The following LDLRAD4 variants were observed in gnomAD, a reference collection of about 807,000 sequenced individuals.
LDLRAD4 encodes low density lipoprotein receptor class A domain containing 4.
LDLRAD4 carries 5 observed loss-of-function variants against 17.0 expected under a neutral mutation model. The observed-to-expected ratio is 0.29, with a 90% CI of 0.15 to 0.62. The LOEUF (loss-of-function observed/expected upper bound fraction) is 0.62. Among genes scored for constraint, LDLRAD4 ranks in the 20% least tolerant of loss-of-function variants. The probability of loss-of-function intolerance (pLI) is 0.84; values close to 1 mark genes in which losing one functional copy is unlikely to be tolerated. For synonymous variants in LDLRAD4, 168 were observed against 171.8 expected, an observed-to-expected ratio of 0.98 and a Z score of 0.17; for missense variants, 340 against 424.7, an observed-to-expected ratio of 0.80 and a Z score of 1.75.
At chr18:13,643,276 C>A in intron 4 of LDLRAD4, 83 bp from the exon 6 acceptor site, 2 of 889,488 alleles carry the variant, frequency 2.2e-6, no homozygotes, top group Admixed American at 2.7e-5. Context: ...AGAAGTTGTG[C>A]TTCATGTTTT....
At chr18:13,437,345 G>A (rs1316903364) in intron 2 of LDLRAD4, among the ~76,000 whole-genome samples, 1 of 152,228 alleles carries the variant, frequency 6.6e-6, no homozygotes, top group Non-Finnish European at 1.5e-5. Flanking sequence ...CTAGGGCCAA[G>A]CCCACACTCA....
intron 3 of LDLRAD4, among the ~76,000 whole-genome samples, chr18:13,594,211 G>T (rs900860730): frequency 2.0e-5 from 3 of 152,114 alleles, no homozygotes; most frequent in African/African-American, 7.2e-5. Context: ...CATGAGCTCA[G>T]GTGATGGCAG....
At chr18:13,413,678 T>A (rs1193924704) in intron 2 of LDLRAD4, among the ~76,000 whole-genome samples, 1 of 152,242 alleles carries the variant, frequency 6.6e-6, no homozygotes, top group East Asian at 1.9e-4. Context: ...ATTTACTGGA[T>A]GTCCAGTGTT....
intron 3 of LDLRAD4, among the ~76,000 whole-genome samples, chr18:13,606,820 A>G (rs959212652): frequency 1.3e-5 from 2 of 152,244 alleles, no homozygotes; most frequent in African/African-American, 4.8e-5. Flanking sequence ...ATTTTATAGC[A>G]TAGTCGTAAA....
At chr18:13,259,104 C>T (rs1481210526) in intron 1 of LDLRAD4, among the ~76,000 whole-genome samples, 5 of 152,224 alleles carry the variant, frequency 3.3e-5, no homozygotes, top group Non-Finnish European at 7.3e-5. Context: ...AGCACTTGTG[C>T]AAGTTCATAA....
At chr18:13,220,610 A>G (rs1021027855) in intron 1 of LDLRAD4, among the ~76,000 whole-genome samples, 2 of 152,090 alleles carry the variant, frequency 1.3e-5, no homozygotes, top group African/African-American at 4.8e-5. Context: ...TTTTCCCCCA[A>G]CTGCTGACAG....
At chr18:13,407,931 C>T (rs1446023729) in intron 2 of LDLRAD4, among the ~76,000 whole-genome samples, 1 of 152,194 alleles carries the variant, frequency 6.6e-6, no homozygotes, top group Non-Finnish European at 1.5e-5. Flanking sequence ...AACGGCACCC[C>T]CCTGCCCATT....
chr18:13,226,710 GAATAA>G (rs60378544), intron 1 of LDLRAD4, among the ~76,000 whole-genome samples: 18,930 of 139,388 alleles, frequency 0.14, 1,384 homozygotes, highest in African/African-American at 0.19. Context: ...TTTAAAATTT[GAATAA>G]AATAAAATAA....
chr18:13,228,574 C>T (rs183229921), intron 1 of LDLRAD4, among the ~76,000 whole-genome samples: 83 of 152,210 alleles, frequency 5.5e-4, no homozygotes, highest in African/African-American at 1.9e-3. Context: ...TTGGTTGGCT[C>T]GGTTGAACAT....
chr18:13,338,346 T>C (rs1241167878), intron 1 of LDLRAD4, among the ~76,000 whole-genome samples: 2 of 152,146 alleles, frequency 1.3e-5, no homozygotes, highest in Non-Finnish European at 2.9e-5. Flanking sequence ...GTGGGTAAAA[T>C]CAGGTATCTT....
chr18:13,374,657 C>G (rs12458792), intron 1 of LDLRAD4, among the ~76,000 whole-genome samples: 10,527 of 152,236 alleles, frequency 0.069, 946 homozygotes, highest in African/African-American at 0.21. Context: ...GCCCCAGCCC[C>G]GACAGATAGT....
chr18:13,523,554 A>T (rs1174577183), intron 3 of LDLRAD4, among the ~76,000 whole-genome samples: 2 of 152,098 alleles, frequency 1.3e-5, no homozygotes, highest in Non-Finnish European at 2.9e-5. Context: ...ACGGCTCAGT[A>T]TTGTTCTGAG....
intron 3 of LDLRAD4, among the ~76,000 whole-genome samples, chr18:13,555,424 A>G (rs1208440110): frequency 6.6e-6 from 1 of 152,150 alleles, no homozygotes; most frequent in Non-Finnish European, 1.5e-5. Context: ...CCTTCCCCTC[A>G]TCTCTTACTC....
chr18:13,499,189 CT>C (rs2093561111), intron 3 of LDLRAD4, among the ~76,000 whole-genome samples: 1 of 145,614 alleles, frequency 6.9e-6, no homozygotes, highest in African/African-American at 2.6e-5. Flanking sequence ...AATCCTTCTA[CT>C]CACACACATC....
chr18:13,571,634 TTTTA>T (rs567261384), intron 3 of LDLRAD4, among the ~76,000 whole-genome samples: 1 of 152,148 alleles, frequency 6.6e-6, no homozygotes, highest in African/African-American at 2.4e-5. Context: ...TTCATAAACT[TTTTA>T]TTTATTTATT....
At chr18:13,524,983 T>G (rs1456682961) in intron 3 of LDLRAD4, among the ~76,000 whole-genome samples, 54 of 152,180 alleles carry the variant, frequency 3.5e-4, no homozygotes, top group Admixed American at 3.5e-3. Flanking sequence ...TGTGCCTGAG[T>G]GTTAGAAGAG....
intron 3 of LDLRAD4, among the ~76,000 whole-genome samples, chr18:13,527,509 A>G (rs573759011): frequency 1.3e-5 from 2 of 152,252 alleles, no homozygotes; most frequent in South Asian, 4.1e-4. Context: ...AATCCTCGCC[A>G]AAGACCTAGC....
intron 3 of LDLRAD4, chr18:13,459,938 T>G (rs2092349099): frequency 6.5e-6 from 1 of 154,046 alleles, no homozygotes; most frequent in South Asian, 2.0e-4. Flanking sequence ...ACCCTAAGTT[T>G]CCGCTCAAGG....
intron 1 of LDLRAD4, among the ~76,000 whole-genome samples, chr18:13,314,585 A>G (rs1429785309): frequency 2.0e-5 from 3 of 152,216 alleles, no homozygotes; most frequent in African/African-American, 4.8e-5. Context: ...GGCTGAACGC[A>G]GTGTTCTGTG....
Sources: gnomAD v4.1 joint callset for allele counts (sites outside exome capture counted in the v4.1 genomes callset) on GRCh38, gnomAD v4.1.1 for gene constraint, MANE v1.5 for transcripts, NCBI Gene and HGNC (gene_info 2026-07-23, HGNC 2026-07-21) for gene names.